The following KDM2B variants were observed in gnomAD, a reference collection of about 807,000 sequenced individuals.
The protein encoded by KDM2B is lysine demethylase 2B, also known as lysine-specific demethylase 2B.
KDM2B carries 26 observed loss-of-function variants against 150.0 expected under a neutral mutation model. The observed-to-expected ratio is 0.17, with a 90% confidence interval of 0.13 to 0.24. The LOEUF is 0.24. KDM2B is among the 10% of genes least tolerant of loss of function. The pLI is 1.00. For synonymous variants in KDM2B, 734 were observed against 729.5 expected (o/e 1.01, Z -0.10); for missense variants, 1,265 against 1,816.9 (o/e 0.70, Z 5.52).
chr12:121,441,762 C>A (rs572277779), intron 19 of KDM2B, among the ~76,000 whole-genome samples: 1 of 152,354 alleles, frequency 6.6e-6, no homozygotes, highest in Non-Finnish European at 1.5e-5. Context: ...ACAACGCCCT[C>A]TACCGGCCGT....
rs149075548 is a variant in KDM2B, at chr12:121,574,661, C to CG, written c.351-69dup. On this transcript the variant is annotated intron_variant, in intron 3 of 22. Coordinates refer to ENST00000377071, the MANE Select transcript of KDM2B (RefSeq NM_032590.5). ...CAACAGAGCTAGACTACCCTGGGCC[C>CG]GGGGGGAAGCCATTTTTCCAAGAGA... The CG allele has an allele frequency of 5.7e-5, 81 of 1,418,106 alleles. No individual in the cohort carries two copies. The East Asian group carries it at 1.6e-3, about 28-fold the overall frequency. The allele number at this position is 1,418,106 out of a possible 1,614,324, so 87.8% of individuals were successfully genotyped here.
At chr12:121,524,412 G>A (rs910495429) in intron 8 of KDM2B, among the ~76,000 whole-genome samples, 6 of 152,198 alleles carry the variant, frequency 3.9e-5, no homozygotes, top group African/African-American at 1.4e-4. Context: ...GCCCTGACAC[G>A]TGAGGAAAGA....
At chr12:121,536,219 C>G (rs1169764965) in intron 6 of KDM2B, 1 of 398,738 alleles carries the variant, frequency 2.5e-6, no homozygotes, top group East Asian at 1.6e-4. Context: ...TCAGGTGGAC[C>G]GGGGGCTCAG....
At chr12:121,532,557 G>C (rs1171795690) in intron 8 of KDM2B, among the ~76,000 whole-genome samples, 1 of 152,174 alleles carries the variant, frequency 6.6e-6, no homozygotes, top group Admixed American at 6.5e-5. Flanking sequence ...ACAGGGATTC[G>C]AGTCTCCCCT....
At position 121,533,504 on chromosome 12, in the gene KDM2B, C is replaced by A. The variant is rs782229525; in HGVS notation, c.778-545G>T. On this transcript the variant is annotated intron_variant, in intron 7 of 22. Transcript: ENST00000377071. This position sits in a 1 kb window ranked among gnomAD's most constrained non-coding sequence, Gnocchi z 4.1. ...CCACCTCCATCAGGGACACCCACAT[C>A]CCCACGTGGACACGCAACAAAAGCA... 4.6e-5 allele frequency among the ~76,000 whole-genome samples: 7 copies of A among 152,158 alleles called. No individual in the cohort carries two copies. Among genetic ancestry groups the A allele is most frequent in the Non-Finnish European group, 7.3e-5 (5 of 68,030 alleles).
chr12:121,542,585 G>C (rs1292074473), intron 6 of KDM2B, among the ~76,000 whole-genome samples: 9 of 152,180 alleles, frequency 5.9e-5, no homozygotes, highest in Non-Finnish European at 8.8e-5. Context: ...TGAAGTTTTA[G>C]AATAATTATA....
intron 11 of KDM2B, among the ~76,000 whole-genome samples, chr12:121,495,446 C>G (rs1883826004): frequency 6.6e-6 from 1 of 152,194 alleles, no homozygotes; most frequent in South Asian, 2.1e-4. Flanking sequence ...CAGGCGTGAG[C>G]CAACACGCCC....
At chr12:121,417,458 A>G in the KDM2B span, 1 of 1,518,836 alleles carries the variant, frequency 6.6e-7, no homozygotes, top group Non-Finnish European at 8.9e-7. This position sits in a 1 kb window ranked among gnomAD's most constrained non-coding sequence, Gnocchi z 5.0. Context: ...TCATGCTTTC[A>G]TAATGGTTTA....
intron 4 of KDM2B, among the ~76,000 whole-genome samples, chr12:121,571,359 G>C (rs889740443): frequency 6.6e-6 from 1 of 152,168 alleles, no homozygotes; most frequent in African/African-American, 2.4e-5. Context: ...TGCAATCTCG[G>C]CTCACTGCAA....
intron 12 of KDM2B, among the ~76,000 whole-genome samples, chr12:121,485,801 G>C (rs1296089117): frequency 6.6e-6 from 1 of 151,612 alleles, no homozygotes; most frequent in East Asian, 1.9e-4. Context: ...TTTTGAGATG[G>C]AGTCTTGCTT....
chr12:121,541,003 C>T (rs573436822), intron 6 of KDM2B, among the ~76,000 whole-genome samples: 19 of 151,984 alleles, frequency 1.3e-4, no homozygotes, highest in African/African-American at 2.9e-4. Context: ...GAGGCCGAGG[C>T]GGGTGGATCA....
the KDM2B span, chr12:121,420,286 C>T: frequency 1.8e-5 from 28 of 1,595,014 alleles, no homozygotes; most frequent in Admixed American, 1.9e-4. Flanking sequence ...ATGATGATGA[C>T]GACGATGATG....
chr12:121,579,399 G>A (rs1891763413), intron 1 of KDM2B, among the ~76,000 whole-genome samples: 1 of 152,178 alleles, frequency 6.6e-6, no homozygotes, highest in South Asian at 2.1e-4. Flanking sequence ...CCGGGAAGCC[G>A]GAACCGGGGG....
intron 6 of KDM2B, among the ~76,000 whole-genome samples, chr12:121,540,602 A>C (rs1555309592): frequency 6.6e-6 from 1 of 151,208 alleles, no homozygotes; most frequent in East Asian, 2.0e-4. Flanking sequence ...AATGCAAAAA[A>C]ATTAGCCGGG....
At chr12:121,441,483 C>G (rs144472236) in intron 19 of KDM2B, among the ~76,000 whole-genome samples, 23 of 152,308 alleles carry the variant, frequency 1.5e-4, no homozygotes, top group Admixed American at 5.9e-4. Context: ...TGTTCCCAGG[C>G]TGGTGTGTAG....
At chr12:121,558,555 G>A (rs527495015) in intron 4 of KDM2B, among the ~76,000 whole-genome samples, 3 of 150,826 alleles carry the variant, frequency 2.0e-5, no homozygotes, top group Admixed American at 1.3e-4. Context: ...TTGGGTTCAA[G>A]CGATTTTCCT....
the KDM2B span, chr12:121,417,995 TTC>T: frequency 7.2e-7 from 1 of 1,394,076 alleles, no homozygotes; most frequent in African/African-American, 1.4e-5. This position sits in a 1 kb window ranked among gnomAD's most constrained non-coding sequence, Gnocchi z 5.0. Flanking sequence ...GCTTGATGAC[TTC>T]TGATAAACTT....
intron 4 of KDM2B, among the ~76,000 whole-genome samples, chr12:121,566,007 G>C (rs781905790): frequency 5.3e-5 from 8 of 151,622 alleles, no homozygotes; most frequent in Non-Finnish European, 1.2e-4. Flanking sequence ...GGGAGACCTT[G>C]ACCTCATCTT....
At chr12:121,581,426 G>C (rs1891957831), upstream of KDM2B, among the ~76,000 whole-genome samples, 1 of 152,208 alleles carries the variant, frequency 6.6e-6, no homozygotes, top group Admixed American at 6.5e-5. Context: ...TTAGGTCCCT[G>C]TCCACTTACT....
Sources: gnomAD v4.1 joint callset for allele counts (sites outside exome capture counted in the v4.1 genomes callset) on GRCh38, gnomAD v4.1.1 for gene constraint, Gnocchi (gnomAD v3.1) non-coding constraint, MANE v1.5 for transcripts, NCBI Gene and HGNC (gene_info 2026-07-23, HGNC 2026-07-21) for gene names.